ACTA2: variants seen among roughly 807,000 people sequenced by gnomAD.
The protein encoded by ACTA2 is actin alpha 2, smooth muscle.
ACTA2 carries 12 observed loss-of-function variants against 39.5 expected under a neutral mutation model. The observed-to-expected ratio is 0.30, with a 90% CI of 0.19 to 0.49. ACTA2 has a LOEUF of 0.49. Ranked by LOEUF, ACTA2 falls within the 20% of genes least tolerant of loss-of-function variation. The pLI is 0.99. For synonymous variants in ACTA2, 158 were observed against 180.6 expected (o/e 0.88, Z 1.00); for missense variants, 236 against 498.8 (o/e 0.47, Z 5.02).
At chr10:88,978,672 C>T (rs78209918) in intron 1 of ACTA2, among the ~76,000 whole-genome samples, 3,653 of 152,220 alleles carry the variant, frequency 0.024, 61 homozygotes, top group Non-Finnish European at 0.04. Flanking sequence ...TCATTTGCAC[C>T]ACGGCTCCAG....
At chr10:88,941,514 G>T in intron 5 of ACTA2, 124 bp from the exon 6 acceptor site, 1 of 1,287,034 alleles carries the variant, frequency 7.8e-7, no homozygotes, top group Non-Finnish European at 1.1e-6. Context: ...AGAGAAAACA[G>T]GGCATGTGAT....
chr10:88,948,680 G>A (rs2133273296), intron 2 of ACTA2, 122 bp downstream of exon 2: 1 of 1,340,750 alleles, frequency 7.5e-7, no homozygotes, highest in South Asian at 1.2e-5. Flanking sequence ...AATCATTAGA[G>A]GTCTATTTGT....
intron 1 of ACTA2, among the ~76,000 whole-genome samples, chr10:88,962,688 G>A (rs1040781006): frequency 3.3e-5 from 5 of 151,830 alleles, no homozygotes; most frequent in African/African-American, 4.8e-5. Flanking sequence ...TTATCAGCAC[G>A]TGATTACCAT....
At chr10:88,941,204 C>T (rs745594878) in intron 6 of ACTA2, 25 bp downstream of exon 6, 1 of 1,613,416 alleles carries the variant, frequency 6.2e-7, no homozygotes, top group South Asian at 1.1e-5. Flanking sequence ...GCTCCCCTCT[C>T]CCCCTTATCT....
chr10:88,950,054 A>G (rs1221951380), intron 1 of ACTA2, among the ~76,000 whole-genome samples: 1 of 152,216 alleles, frequency 6.6e-6, no homozygotes, highest in Non-Finnish European at 1.5e-5. Flanking sequence ...GGCATATTAG[A>G]GGACATTTTC....
chr10:88,947,524 A>G, intron 2 of ACTA2, 138 bp from the exon 3 acceptor site: 8 of 1,323,126 alleles, frequency 6.0e-6, no homozygotes, highest in Non-Finnish European at 8.5e-6. Context: ...ATTGAGTCTC[A>G]TTGCCACTAT....
Position 88,935,372 on chromosome 10 carries a change from A to G in ACTA2, c.991-6T>C, listed in dbSNP as rs1057521471. ...CGCTCCGGAGGGGCAATGATCTGTC[A>G]GTCAAGATGAAAAAGAATGGTCATT... On this transcript the variant is annotated splice_polypyrimidine_tract_variant and splice_region_variant and intron_variant, in intron 8 of 8. Coordinates refer to ENST00000224784, the MANE Select transcript of ACTA2 (RefSeq NM_001613.4). The G allele has an allele frequency of 3.7e-6, 6 of 1,613,620 alleles. No homozygotes were observed. In the Admixed American group the frequency reaches 8.3e-5, roughly 22 times the overall value.
chr10:88,973,130 G>A (rs1589417908), intron 1 of ACTA2: 1 of 1,518,572 alleles, frequency 6.6e-7, no homozygotes, highest in East Asian at 2.4e-5. Flanking sequence ...AATTTTTCCT[G>A]GGCCTTGCCT....
intron 1 of ACTA2, among the ~76,000 whole-genome samples, chr10:88,986,579 T>TA (rs1282579152): frequency 6.6e-6 from 1 of 152,210 alleles, no homozygotes; most frequent in East Asian, 1.9e-4. Context: ...CCTGGTCAGT[T>TA]AGGCTTTAGG....
At position 88,941,215 on chromosome 10, in the gene ACTA2, C is replaced by G. The variant is rs746931074; in HGVS notation, c.616+14G>C. 2 of 1,613,724 alleles carry G rather than the reference C, an allele frequency of 1.2e-6. No individual in the cohort carries two copies. The highest frequency in any genetic ancestry group is 3.3e-5 in the Admixed American group (2 of 60,016). On this transcript the variant is annotated intron_variant, in intron 6 of 8. Transcript: ENST00000224784. ...CACTGCTCCCCTCTCCCCCTTATCTCCCACAGGCCTCACCAGTAGTAACGA... is the reference window on the plus strand; with the variant it reads ...CACTGCTCCCCTCTCCCCCTTATCTGCCACAGGCCTCACCAGTAGTAACGA...
chr10:88,948,337 C>A (rs1025117665), intron 2 of ACTA2: 13 of 172,374 alleles, frequency 7.5e-5, no homozygotes, highest in East Asian at 2.9e-4. Flanking sequence ...GTAAAATTAC[C>A]ATGCGGCTGT....
chr10:88,962,646 T>G (rs528173524), intron 1 of ACTA2, among the ~76,000 whole-genome samples: 4 of 152,064 alleles, frequency 2.6e-5, no homozygotes, highest in Non-Finnish European at 5.9e-5. Flanking sequence ...CACACACTAT[T>G]TCAGTGTCTA....
At chr10:88,986,750 GGAA>G (rs1387169281) in intron 1 of ACTA2, among the ~76,000 whole-genome samples, 3 of 151,822 alleles carry the variant, frequency 2.0e-5, no homozygotes, top group African/African-American at 4.9e-5. Context: ...AGTGCAGGAA[GGAA>G]GAAGTATAGG....
At chr10:88,978,423 A>C (rs1367949204) in intron 1 of ACTA2, among the ~76,000 whole-genome samples, 2 of 152,000 alleles carry the variant, frequency 1.3e-5, no homozygotes, top group Non-Finnish European at 2.9e-5. Flanking sequence ...ATAAATAAAT[A>C]AAATTTAAGA....
intron 1 of ACTA2, among the ~76,000 whole-genome samples, chr10:88,960,823 AC>A (rs1846215382): frequency 6.6e-6 from 1 of 152,186 alleles, no homozygotes; most frequent in Non-Finnish European, 1.5e-5. Context: ...TGAACTAGTA[AC>A]AAAGCTATCT....
chr10:88,958,869 G>A (rs1374640870), intron 1 of ACTA2, among the ~76,000 whole-genome samples: 1 of 152,094 alleles, frequency 6.6e-6, no homozygotes, highest in Non-Finnish European at 1.5e-5. Flanking sequence ...GGGAAGGGAG[G>A]ATATGAGACT....
At position 88,943,986 on chromosome 10, in the gene ACTA2, G is replaced by A. The variant is rs1218944755; in HGVS notation, c.259-79C>T. ...TGCATTTCCCAAAAAGGGACCAGAA[G>A]CTACTTGAAACCAAGACCAAAGGAA... is the stretch of plus-strand genomic sequence containing the variant. On this transcript the variant is annotated intron_variant, in intron 3 of 8. Transcript: ENST00000224784. The A allele has an allele frequency of 3.7e-6, 5 of 1,340,776 alleles. No individual in the cohort carries two copies. In the Admixed American group the frequency reaches 8.6e-5, roughly 23 times the overall value. The allele number at this position is 1,340,776 out of a possible 1,614,324, so 83.1% of individuals were successfully genotyped here.
At chr10:88,967,111 T>A (rs1017389545) in intron 1 of ACTA2, among the ~76,000 whole-genome samples, 1 of 152,222 alleles carries the variant, frequency 6.6e-6, no homozygotes, top group Non-Finnish European at 1.5e-5. Context: ...TATCTTTGGA[T>A]GCATCAAGAA....
chr10:88,962,932 T>TC (rs1246221502), intron 1 of ACTA2, among the ~76,000 whole-genome samples: 1 of 7,698 alleles, frequency 1.3e-4, no homozygotes, highest in African/African-American at 1.4e-3. Context: ...TATATATATA[T>TC]ATATATATAT....
Sources: allele counts gnomAD v4.1 joint callset (sites outside exome capture counted in the v4.1 genomes callset), GRCh38; gene constraint gnomAD v4.1.1; transcripts MANE v1.5; gene names NCBI Gene and HGNC (gene_info 2026-07-23, HGNC 2026-07-21).